KDM2B: variants seen among roughly 807,000 people sequenced by gnomAD.
KDM2B encodes lysine demethylase 2B.
KDM2B carries 26 observed loss-of-function variants against 150.0 expected under a neutral mutation model. That is an observed-to-expected ratio of 0.17 (90% confidence interval 0.13 to 0.24). The LOEUF is 0.24. Ranked by LOEUF, KDM2B falls within the 10% of genes least tolerant of loss-of-function variation. The pLI is 1.00. For missense variants in KDM2B, 1,265 were observed against 1,816.9 expected (o/e 0.70, Z 5.52); for synonymous variants, 734 against 729.5 (o/e 1.01, Z -0.10).
chr12:121,480,275 C>A (rs1259630920), intron 12 of KDM2B, among the ~76,000 whole-genome samples: 3 of 151,294 alleles, frequency 2.0e-5, no homozygotes, highest in Admixed American at 6.6e-5. Context: ...TTACTTTAAC[C>A]AAGACTTTAA....
chr12:121,441,856 A>G (rs1875144766), intron 19 of KDM2B, among the ~76,000 whole-genome samples: 1 of 152,240 alleles, frequency 6.6e-6, no homozygotes, highest in Non-Finnish European at 1.5e-5. Context: ...AAGCTGGTAA[A>G]TATCGGCTGG....
chr12:121,490,647 T>G (rs78955829), intron 12 of KDM2B, among the ~76,000 whole-genome samples: 3,931 of 152,300 alleles, frequency 0.026, 157 homozygotes, highest in East Asian at 0.082. Flanking sequence ...CCCACCATCC[T>G]GCCCGTTGGT....
intron 4 of KDM2B, among the ~76,000 whole-genome samples, chr12:121,558,002 C>A (rs1890029326): frequency 1.3e-5 from 2 of 152,204 alleles, no homozygotes; most frequent in South Asian, 4.1e-4. Context: ...CTAGTAGCTT[C>A]ACAAACAGAA....
chr12:121,455,564 G>GTAGTGGT (rs1878102365), intron 12 of KDM2B, among the ~76,000 whole-genome samples: 1 of 152,140 alleles, frequency 6.6e-6, no homozygotes, highest in African/African-American at 2.4e-5. Context: ...AATTAGCCAG[G>GTAGTGGT]TGTAGTGGTG....
Position 121,442,093 on chromosome 12 carries a change from A to G in KDM2B, c.3284+64T>C. 1 of 1,371,182 alleles carries G rather than the reference A, an allele frequency of 7.3e-7. No individual in the cohort carries two copies. The allele number at this position is 1,371,182 out of a possible 1,614,324, so 84.9% of individuals were successfully genotyped here. ...AAGAGCATCGCCAGCGACTCCACAC[A>G]CCACGGGCCATCCCTGGTGCCGCCT... On this transcript the variant is annotated intron_variant, in intron 19 of 22. Transcript: ENST00000377071. The surrounding 1 kb of genome is among the most constrained non-coding windows in gnomAD (Gnocchi z 7.7).
chr12:121,467,573 C>G lies in KDM2B; in HGVS notation c.1735-14229G>C, dbSNP rs1555295145. Reference sequence around the variant, plus strand: ...AGGGCGGTCCCTCGCGGCCGGAGCGCGGGGACTGGGGCTGCGTGGGGGCGT... The same window carrying G: ...AGGGCGGTCCCTCGCGGCCGGAGCGGGGGGACTGGGGCTGCGTGGGGGCGT... On this transcript the variant is annotated intron_variant, in intron 12 of 22. Transcript: ENST00000377071. The surrounding 1 kb of genome is among the most constrained non-coding windows in gnomAD (Gnocchi z 5.1). 1 of 149,796 alleles carries G rather than the reference C, an allele frequency of 6.7e-6. No homozygotes were observed. The highest frequency in any genetic ancestry group is 2.1e-4 in the South Asian group (1 of 4,848). 9.3% of individuals were successfully genotyped at this position (149,796 alleles called of 1,614,324 possible). A position where few individuals can be genotyped will look rare whatever the true frequency, so the allele number is the denominator to read the frequency against.
chr12:121,442,548 G>A lies in KDM2B; in HGVS notation c.2893C>T (p.Leu965=), dbSNP rs1555288731. 3 of 1,600,110 alleles carry A rather than the reference G, an allele frequency of 1.9e-6. No homozygotes were observed. The highest frequency in any genetic ancestry group is 1.7e-6 in the Non-Finnish European group (2 of 1,179,890). Residue 965 remains leucine, a synonymous_variant, in exon 19 of 23, where the codon CTG becomes TTG. Transcript: ENST00000377071. The surrounding 1 kb of genome is among the most constrained non-coding windows in gnomAD (Gnocchi z 7.7). ...NHEIQRTENS[L]ANENQQPIKS... ...ATGGGCTGCTGGTTCTCGTTGGCCA[G>A]GCTGTTCTCCGTCCTCTGGATCTCG...
intron 11 of KDM2B, among the ~76,000 whole-genome samples, chr12:121,506,193 G>A (rs906527087): frequency 6.6e-6 from 1 of 152,088 alleles, no homozygotes; most frequent in Non-Finnish European, 1.5e-5. Context: ...TTTTTGTACA[G>A]ATAGGGTCTT....
At chr12:121,423,505 G>A in the KDM2B span, 14 of 1,614,060 alleles carry the variant, frequency 8.7e-6, no homozygotes, top group South Asian at 2.2e-5. This position sits in a 1 kb window ranked among gnomAD's most constrained non-coding sequence, Gnocchi z 4.3. Flanking sequence ...CACCAAGTGC[G>A]GCAAGCGCAT....
rs1439510326 is a variant in KDM2B at position 121,575,849 on chromosome 12, A to G, written c.282T>C (p.Tyr94=). 4 of 1,611,850 alleles carry G rather than the reference A, an allele frequency of 2.5e-6. No individual in the cohort carries two copies. Among genetic ancestry groups the G allele is most frequent in the East Asian group, 4.5e-5 (2 of 44,880 alleles). ...TGAGAGCTTCTCTCTGTACGTACTC[A>G]TAGTTGAAATCTGTTTGGATATTTG... ...VHAMEGKDFN[Y]EYVQREALRV... Residue 94 remains tyrosine (Y), a synonymous_variant, in exon 3 of 23, where the codon TAT becomes TAC. Coordinates refer to ENST00000377071, the MANE Select transcript of KDM2B (RefSeq NM_032590.5). The surrounding 1 kb of genome is among the most constrained non-coding windows in gnomAD (Gnocchi z 4.4).
chr12:121,485,498 C>A (rs538943893), intron 12 of KDM2B, among the ~76,000 whole-genome samples: 26 of 152,106 alleles, frequency 1.7e-4, no homozygotes, highest in African/African-American at 5.1e-4. Context: ...ACAGTCACTA[C>A]GCTAAACTGA....
intron 22 of KDM2B, among the ~76,000 whole-genome samples, chr12:121,435,777 G>A (rs544313315): frequency 6.6e-6 from 1 of 152,246 alleles, no homozygotes; most frequent in South Asian, 2.1e-4. Context: ...AGTCTTTCTG[G>A]CAATCCTGAC....
chr12:121,498,237 G>A (rs1884177592), intron 11 of KDM2B, among the ~76,000 whole-genome samples: 1 of 152,154 alleles, frequency 6.6e-6, no homozygotes, highest in Admixed American at 6.6e-5. Context: ...AATGGCTGGG[G>A]GAGAAGACCG....
intron 4 of KDM2B, among the ~76,000 whole-genome samples, chr12:121,570,031 GT>G (rs1566430759): frequency 6.6e-6 from 1 of 151,532 alleles, no homozygotes; most frequent in Non-Finnish European, 1.5e-5. Context: ...TGTGTTTTGG[GT>G]TTTTTGGGTT....
At chr12:121,458,422 C>A (rs1555293257) in intron 12 of KDM2B, among the ~76,000 whole-genome samples, 2 of 150,738 alleles carry the variant, frequency 1.3e-5, no homozygotes, top group Non-Finnish European at 2.9e-5. Flanking sequence ...AAAAACTCAA[C>A]TGACTTTTCT....
At chr12:121,566,611 T>G (rs1890723924) in intron 4 of KDM2B, among the ~76,000 whole-genome samples, 2 of 148,036 alleles carry the variant, frequency 1.4e-5, no homozygotes. Context: ...ACAAGCGAAA[T>G]TCTGTCTCAA....
chr12:121,558,615 C>A (rs1890088664), intron 4 of KDM2B, among the ~76,000 whole-genome samples: 1 of 151,908 alleles, frequency 6.6e-6, no homozygotes, highest in African/African-American at 2.4e-5. Flanking sequence ...CACCATGCCC[C>A]AGCTAATTTT....
rs1555317392 is a variant in KDM2B, at chr12:121,578,942, G to C, written c.131C>G (p.Pro44Arg). Residue 44 changes from proline to arginine, a missense_variant, in exon 2 of 23, where the codon CCG (proline) becomes CGG (arginine). This residue lies in a region of KDM2B where 53 missense variants were observed against 56.0 expected (regional missense o/e 0.95). Coordinates refer to ENST00000377071, the MANE Select transcript of KDM2B (RefSeq NM_032590.5). ...CFEFESATQRPIDRQRYDENE... is the reference protein window; with the variant it reads ...CFEFESATQRRIDRQRYDENE... ...CTCGTCGTATCGCTGGCGGTCAATC[G>C]GGCGCTGCGAGGACCCAAACCAGAG... is the stretch of plus-strand genomic sequence containing the variant. The C allele has an allele frequency of 6.2e-7, 1 of 1,611,644 alleles. No homozygotes were observed. Among genetic ancestry groups the C allele is most frequent in the Non-Finnish European group, 8.5e-7 (1 of 1,179,308 alleles).
chr12:121,433,177 CTG>C (rs1873351872), intron 22 of KDM2B: 1 of 456,672 alleles, frequency 2.2e-6, no homozygotes, highest in African/African-American at 2.0e-5. Context: ...TTCCCCAAAA[CTG>C]GAGCCCAAAG....
Sources: allele counts gnomAD v4.1 joint callset (sites outside exome capture counted in the v4.1 genomes callset), GRCh38; gene constraint gnomAD v4.1.1; regional missense constraint gnomAD v4.1.1; non-coding constraint Gnocchi (gnomAD v3.1); transcripts MANE v1.5; gene names NCBI Gene and HGNC (gene_info 2026-07-23, HGNC 2026-07-21).